Variants in CDIN1 observed in about 807,000 individuals in gnomAD.
CDIN1 encodes the protein CDAN1-interacting nuclease 1.
CDIN1 carries 33 observed loss-of-function variants against 45.3 expected under a neutral mutation model. That is an observed-to-expected ratio of 0.73 (90% confidence interval 0.55 to 0.97). CDIN1 has a LOEUF of 0.97. Ranked by LOEUF, CDIN1 falls within the 50% of genes least tolerant of loss-of-function variation. CDIN1 has a pLI of 0.00. For synonymous variants in CDIN1, 118 were observed against 124.4 expected (o/e 0.95, Z 0.34); for missense variants, 303 against 339.4 (o/e 0.89, Z 0.84).
intron 1 of CDIN1, among the ~76,000 whole-genome samples, chr15:36,606,662 T>C (rs2038393062): frequency 6.6e-6 from 1 of 152,238 alleles, no homozygotes; most frequent in African/African-American, 2.4e-5. Flanking sequence ...GTTCTGTATT[T>C]ACCTGCTTAT....
chr15:36,699,548 A>G (rs1288180097), intron 8 of CDIN1, among the ~76,000 whole-genome samples: 1 of 152,124 alleles, frequency 6.6e-6, no homozygotes, highest in Non-Finnish European at 1.5e-5. Context: ...TTGGCTTCTA[A>G]TTTGGACTGC....
At chr15:36,763,919 T>C (rs2053842410) in intron 10 of CDIN1, among the ~76,000 whole-genome samples, 1 of 152,200 alleles carries the variant, frequency 6.6e-6, no homozygotes, top group African/African-American at 2.4e-5. Flanking sequence ...AATGTCCACA[T>C]TCAGTGACAG....
At chr15:36,627,669 T>G (rs1465086053) in intron 1 of CDIN1, 3 of 152,316 alleles carry the variant, frequency 2.0e-5, no homozygotes, top group African/African-American at 4.8e-5. Context: ...ACGTGGTCCA[T>G]CCGATCTACA....
At chr15:36,752,449 G>A (rs1176892273) in intron 10 of CDIN1, among the ~76,000 whole-genome samples, 1 of 152,170 alleles carries the variant, frequency 6.6e-6, no homozygotes, top group East Asian at 1.9e-4. Flanking sequence ...TTGAATATTG[G>A]TGGTGAGTGG....
chr15:36,651,436 A>C (rs1278297420), intron 3 of CDIN1, among the ~76,000 whole-genome samples: 1 of 152,248 alleles, frequency 6.6e-6, no homozygotes, highest in African/African-American at 2.4e-5. Context: ...TTCAGTAATT[A>C]GTATGTCCCT....
chr15:36,662,901 C>T (rs2041077914), intron 5 of CDIN1, among the ~76,000 whole-genome samples: 1 of 122,684 alleles, frequency 8.2e-6, no homozygotes, highest in Non-Finnish European at 1.6e-5. Context: ...ATTATACTTA[C>T]TGGATGAGCA....
intron 1 of CDIN1, among the ~76,000 whole-genome samples, chr15:36,595,574 A>G (rs979381841): frequency 1.3e-5 from 2 of 152,118 alleles, no homozygotes; most frequent in African/African-American, 4.8e-5. Flanking sequence ...CAAATAGTTG[A>G]GGAGAGTGCC....
At chr15:36,654,241 T>G in intron 4 of CDIN1, 83 bp downstream of exon 4, 1 of 1,056,646 alleles carries the variant, frequency 9.5e-7, no homozygotes. Context: ...CAATTATAAC[T>G]ACCTTTGGAA....
At chr15:36,603,077 C>T (rs2038188251) in intron 1 of CDIN1, among the ~76,000 whole-genome samples, 1 of 152,012 alleles carries the variant, frequency 6.6e-6, no homozygotes, top group South Asian at 2.1e-4. Context: ...ATTACTTTGG[C>T]CAAAGATAAT....
intron 3 of CDIN1, among the ~76,000 whole-genome samples, chr15:36,651,085 C>G (rs2040558623): frequency 6.6e-6 from 1 of 151,984 alleles, no homozygotes; most frequent in Admixed American, 6.6e-5. Flanking sequence ...AAAAAAAATA[C>G]AGTCTTTGAA....
chr15:36,581,144 C>G lies in CDIN1; in HGVS notation c.101+1183C>G, dbSNP rs780211918. 3.9e-5 allele frequency among the ~76,000 whole-genome samples: 6 copies of G among 152,152 alleles called. No individual in the cohort carries two copies. The South Asian group carries it at 1.2e-3, about 32-fold the overall frequency. ...CAAAATTGACACATAATTTAATTTTCTGTCATTAACTCTTGCCAGTTCTGC... is the reference window on the plus strand; with the variant it reads ...CAAAATTGACACATAATTTAATTTTGTGTCATTAACTCTTGCCAGTTCTGC... On this transcript the variant is annotated intron_variant, in intron 1 of 10. Coordinates refer to ENST00000566621, the MANE Select transcript of CDIN1 (RefSeq NM_001321759.2).
chr15:36,665,964 G>A (rs988842755), intron 5 of CDIN1, among the ~76,000 whole-genome samples: 5 of 152,020 alleles, frequency 3.3e-5, no homozygotes, highest in East Asian at 3.9e-4. Flanking sequence ...TTGACTTGAC[G>A]TTTTTGGTTA....
Position 36,687,552 on chromosome 15 carries a change from CAA to C in CDIN1, c.347-4130_347-4129del, listed in dbSNP as rs1457068871. Among the ~76,000 whole-genome samples, 14 of 151,960 alleles carry C rather than the reference CAA, an allele frequency of 9.2e-5. 1 individual carries two copies. Among genetic ancestry groups the C allele is most frequent in the Middle Eastern group, 6.3e-3 (2 of 316 alleles). ...GAGTTAAAGAAAGTCTTGACTTTGCCAAAAGACATACTTACCAAGAATTCAGT... is the reference window on the plus strand; with the variant it reads ...GAGTTAAAGAAAGTCTTGACTTTGCCAAGACATACTTACCAAGAATTCAGT... On this transcript the variant is annotated intron_variant, in intron 5 of 10. Coordinates refer to ENST00000566621, the MANE Select transcript of CDIN1 (RefSeq NM_001321759.2).
intron 10 of CDIN1, among the ~76,000 whole-genome samples, chr15:36,717,515 T>C (rs529926963): frequency 1.3e-5 from 2 of 152,328 alleles, no homozygotes; most frequent in South Asian, 2.1e-4. Flanking sequence ...TTTTTATTGC[T>C]GAGAGGCATT....
intron 1 of CDIN1, among the ~76,000 whole-genome samples, chr15:36,604,418 TACACACACAC>T (rs144533313): frequency 4.7e-5 from 6 of 128,806 alleles, no homozygotes; most frequent in East Asian, 2.5e-4. Context: ...TTTTAAAAGG[TACACACACAC>T]ACACACACAC....
intron 10 of CDIN1, among the ~76,000 whole-genome samples, chr15:36,797,305 A>AG (rs2054834089): frequency 6.6e-6 from 1 of 151,814 alleles, no homozygotes; most frequent in Non-Finnish European, 1.5e-5. Flanking sequence ...CAGGAACAGT[A>AG]GTACTTCATT....
At chr15:36,800,914 T>TATAC (rs2055018927) in intron 10 of CDIN1, among the ~76,000 whole-genome samples, 3 of 85,532 alleles carry the variant, frequency 3.5e-5, no homozygotes, top group Admixed American at 3.3e-4. Context: ...TGTGTGTATA[T>TATAC]ATATATATAT....
chr15:36,642,333 T>C (rs1185329337), intron 1 of CDIN1, among the ~76,000 whole-genome samples: 1 of 152,230 alleles, frequency 6.6e-6, no homozygotes, highest in African/African-American at 2.4e-5. Context: ...CTCTACAGCT[T>C]TGAATTAGTT....
chr15:36,762,502 GTTTT>G (rs2053795346), intron 10 of CDIN1, among the ~76,000 whole-genome samples: 1 of 149,340 alleles, frequency 6.7e-6, no homozygotes, highest in Admixed American at 6.7e-5. Flanking sequence ...TTGTTTGTTT[GTTTT>G]ATTATACTTT....
Sources: gnomAD v4.1 joint callset for allele counts (sites outside exome capture counted in the v4.1 genomes callset) on GRCh38, gnomAD v4.1.1 for gene constraint, MANE v1.5 for transcripts, NCBI Gene and HGNC (gene_info 2026-07-23, HGNC 2026-07-21) for gene names.